AP2A2: variants seen among roughly 807,000 people sequenced by gnomAD.
The protein encoded by AP2A2 is adaptor related protein complex 2 subunit alpha 2.
Under a neutral mutation model 104.2 loss-of-function variants are expected in AP2A2, and 32 were observed. The observed-to-expected ratio is 0.31, with a 90% CI of 0.23 to 0.41. AP2A2 has a LOEUF of 0.41. AP2A2 is among the 10% of genes least tolerant of loss of function. The pLI is 1.00. For synonymous variants in AP2A2, 539 were observed against 533.3 expected (o/e 1.01, Z -0.15); for missense variants, 912 against 1,261.0 (o/e 0.72, Z 4.19).
rs762106583 is a variant in AP2A2, at chr11:1,009,391, A to G, written c.2601A>G (p.Lys867=). ...AKHPMDTEVT[K]AKIIGFGSAL... is the part of the protein sequence containing the mutation. ...ACCCAATGGACACAGAAGTCACCAA[A>G]GCCAAGGTAACACGTCTGGAGGGAC... The change falls in exon 20 of 22, where the codon AAA becomes AAG. Residue 867 remains lysine, a synonymous_variant. Transcript: ENST00000448903. The G allele has an allele frequency of 2.5e-6, 4 of 1,612,928 alleles. No individual in the cohort carries two copies. In the Admixed American group the frequency reaches 5.0e-5, roughly 20 times the overall value.
At chr11:1,007,317 C>T (rs138152135) in intron 17 of AP2A2, 4 of 153,518 alleles carry the variant, frequency 2.6e-5, no homozygotes, top group Non-Finnish European at 5.8e-5. Context: ...TCAAAACAGT[C>T]ATTAAAAATA....
intron 1 of AP2A2, among the ~76,000 whole-genome samples, chr11:957,226 A>G (rs1367345666): frequency 3.3e-5 from 5 of 152,244 alleles, no homozygotes; most frequent in African/African-American, 7.2e-5. Context: ...GTACCGGGCC[A>G]TGGCCGCTCC....
intron 10 of AP2A2, among the ~76,000 whole-genome samples, chr11:991,420 T>C (rs1855651083): frequency 1.3e-5 from 2 of 151,646 alleles, no homozygotes; most frequent in South Asian, 4.2e-4. Context: ...CTGCAGAAGG[T>C]GATAGTGGCC....
rs968687907 is a variant in AP2A2 at position 993,685 on chromosome 11, C to A, written c.1551-69C>A. 6.3e-6 allele frequency: 8 copies of A among 1,267,768 alleles called. No homozygotes were observed. Among genetic ancestry groups the A allele is most frequent in the Admixed American group, 4.1e-5 (2 of 48,200 alleles). 78.5% of individuals were successfully genotyped at this position (1,267,768 alleles called of 1,614,324 possible). ...CCAGGGGGTCTCGCCGCCGTCCCCC[C>A]CCCGCGGGGGCGTGCTGCAGCCTGC... is the stretch of plus-strand genomic sequence containing the variant. On this transcript the variant is annotated intron_variant, in intron 12 of 21. Transcript: ENST00000448903. This position sits in a 1 kb window ranked among gnomAD's most constrained non-coding sequence, Gnocchi z 8.2.
At chr11:995,052 G>A (rs922591569) in intron 14 of AP2A2, among the ~76,000 whole-genome samples, 4 of 152,202 alleles carry the variant, frequency 2.6e-5, no homozygotes, top group Non-Finnish European at 2.9e-5. Flanking sequence ...TCTCCCGGGG[G>A]CCACTGTGCC....
intron 5 of AP2A2, among the ~76,000 whole-genome samples, chr11:978,217 C>T (rs12288666): frequency 1.2e-3 from 187 of 152,248 alleles, no homozygotes; most frequent in African/African-American, 4.4e-3. Context: ...CACATGGCAG[C>T]CGGTCACTGG....
At chr11:966,993 C>T (rs1854638319) in intron 2 of AP2A2, among the ~76,000 whole-genome samples, 1 of 152,070 alleles carries the variant, frequency 6.6e-6, no homozygotes, top group Admixed American at 6.6e-5. Flanking sequence ...ATGGTGAAAC[C>T]CCATCTCTAC....
intron 7 of AP2A2, 89 bp from the exon 8 acceptor site, chr11:985,346 C>A: frequency 6.8e-7 from 1 of 1,465,466 alleles, no homozygotes; most frequent in Non-Finnish European, 9.2e-7. Context: ...ATTAAAAATG[C>A]TCTCATGATG....
intron 1 of AP2A2, among the ~76,000 whole-genome samples, chr11:948,845 C>T (rs960490059): frequency 9.2e-6 from 1 of 108,578 alleles, no homozygotes; most frequent in African/African-American, 3.2e-5. Context: ...CAAACCTGGG[C>T]AACGAGCGAA....
intron 3 of AP2A2, 95 bp downstream of exon 3, chr11:970,406 C>T (rs1854777688): frequency 6.7e-7 from 1 of 1,491,124 alleles, no homozygotes; most frequent in Non-Finnish European, 9.1e-7. Context: ...TCCTTCTCTG[C>T]CCACAGCTGA....
chr11:966,116 G>A (rs1854607982), intron 2 of AP2A2, among the ~76,000 whole-genome samples: 1 of 152,234 alleles, frequency 6.6e-6, no homozygotes, highest in Non-Finnish European at 1.5e-5. Context: ...AAAGTGCTGG[G>A]ATTACAGGCG....
intron 1 of AP2A2, among the ~76,000 whole-genome samples, chr11:954,232 G>T (rs1437068616): frequency 1.3e-5 from 2 of 152,178 alleles, no homozygotes; most frequent in Non-Finnish European, 2.9e-5. Flanking sequence ...TGAGTCAAAG[G>T]CTGCACTTGG....
Position 925,876 on chromosome 11 carries a change from C to T in AP2A2, c.-146C>T, listed in dbSNP as rs1021928631. 339 of 475,572 alleles carry T rather than the reference C, an allele frequency of 7.1e-4. 2 individuals are homozygous for T. The highest frequency in any genetic ancestry group is 1.5e-4 in the Non-Finnish European group (45 of 307,282). The allele number at this position is 475,572 out of a possible 1,614,324, so 29.5% of individuals were successfully genotyped here. A position where few individuals can be genotyped will look rare whatever the true frequency, so the allele number is the denominator to read the frequency against. ...TGCGCGCGCGCGGCGGCCCAGAAAG[C>T]GGCGCTGGGACCCTGAGGCGGCCGT... On this transcript the variant is annotated 5_prime_UTR_variant, in exon 1 of 22. Transcript: ENST00000448903.
chr11:969,898 G>A (rs572413157), intron 2 of AP2A2, among the ~76,000 whole-genome samples: 10 of 152,328 alleles, frequency 6.6e-5, no homozygotes, highest in Admixed American at 4.6e-4. Context: ...ACCTGCCCAG[G>A]GTTGTCGTGG....
At position 1,000,495 on chromosome 11, in the gene AP2A2, C is replaced by T; in HGVS notation, c.2020C>T (p.Pro674Ser). 1 of 1,540,090 alleles carries T rather than the reference C, an allele frequency of 6.5e-7. No homozygotes were observed. The highest frequency in any genetic ancestry group is 2.4e-5 in the East Asian group (1 of 41,104). The change falls in exon 15 of 22, where the codon CCC becomes TCC. Residue 674 changes from proline (P) to serine (S), a missense_variant. Pro to Ser is a moderately conservative substitution (Grantham distance 74). This residue lies in a region of AP2A2 where 105 missense variants were observed against 90.9 expected (regional missense o/e 1.16). Transcript: ENST00000448903. ...GGCTGCCCCCCCTGCCCCCGCGGGC[C>T]CCCCACCCTCCTCCGGCGGCAGCGG... is the stretch of plus-strand genomic sequence containing the variant. The part of the protein sequence containing the change: ...LGAAPPAPAG[P>S]PPSSGGSGLL...
At chr11:959,879 C>T (rs903624881) in intron 2 of AP2A2, among the ~76,000 whole-genome samples, 7 of 152,216 alleles carry the variant, frequency 4.6e-5, no homozygotes, top group Non-Finnish European at 8.8e-5. Context: ...GACCTGCGCT[C>T]GGTGGACTGC....
At chr11:1,009,242 T>C (rs1355969784) in intron 19 of AP2A2, 26 bp downstream of exon 19, 2 of 1,609,294 alleles carry the variant, frequency 1.2e-6, no homozygotes, top group African/African-American at 2.7e-5. Flanking sequence ...CCTGTAGGGG[T>C]CAGGGGTGGG....
rs1324971713 is a variant in AP2A2, at chr11:992,155, G to T, written c.1270-348G>T. Among the ~76,000 whole-genome samples, 1 of 152,094 alleles carries T rather than the reference G, an allele frequency of 6.6e-6. No individual in the cohort carries two copies. The highest frequency in any genetic ancestry group is 6.6e-5 in the Admixed American group (1 of 15,262). On this transcript the variant is annotated intron_variant, in intron 10 of 21. Coordinates refer to ENST00000448903, the MANE Select transcript of AP2A2 (RefSeq NM_012305.4). The surrounding 1 kb of genome is among the most constrained non-coding windows in gnomAD (Gnocchi z 6.4). ...AGGGTGGCGCAGTCAGAGGTCAGAG[G>T]AGTGCTGCCACCGGGAGCCTAGGGT...
At chr11:952,719 ACT>A (rs908778109) in intron 1 of AP2A2, among the ~76,000 whole-genome samples, 10 of 151,308 alleles carry the variant, frequency 6.6e-5, no homozygotes, top group African/African-American at 2.2e-4. Flanking sequence ...CAAAGATCAG[ACT>A]CTGTGTGGCT....
Sources: allele counts gnomAD v4.1 joint callset (sites outside exome capture counted in the v4.1 genomes callset), GRCh38; gene constraint gnomAD v4.1.1; regional missense constraint gnomAD v4.1.1; non-coding constraint Gnocchi (gnomAD v3.1); transcripts MANE v1.5; gene names NCBI Gene and HGNC (gene_info 2026-07-23, HGNC 2026-07-21).